The following SHISA6 variants were observed in gnomAD, a reference collection of about 807,000 sequenced individuals.
SHISA6 encodes the protein protein shisa-6.
SHISA6 carries 22 observed loss-of-function variants against 47.9 expected under a neutral mutation model. The observed-to-expected ratio is 0.46, with a 90% confidence interval of 0.33 to 0.66. SHISA6 has a LOEUF of 0.66. Among genes scored for constraint, SHISA6 ranks in the 30% least tolerant of loss-of-function variants. The pLI, the probability that SHISA6 is intolerant of heterozygous loss-of-function variation, is 0.02. For synonymous variants in SHISA6, 388 were observed against 337.8 expected (o/e 1.15, Z -1.63); for missense variants, 680 against 764.6 (o/e 0.89, Z 1.30).
At chr17:11,553,439 G>A (rs927744745) in intron 4 of SHISA6, among the ~76,000 whole-genome samples, 1 of 152,162 alleles carries the variant, frequency 6.6e-6, no homozygotes, top group African/African-American at 2.4e-5. Flanking sequence ...AATACAACAG[G>A]AGGAGCCATT....
chr17:11,393,900 G>C (rs2142257987), intron 3 of SHISA6, among the ~76,000 whole-genome samples: 1 of 152,208 alleles, frequency 6.6e-6, no homozygotes, highest in African/African-American at 2.4e-5. Flanking sequence ...CTGTTCTTCT[G>C]TCTGGAATGT....
At chr17:11,505,913 G>A (rs936434651) in intron 3 of SHISA6, among the ~76,000 whole-genome samples, 2 of 152,120 alleles carry the variant, frequency 1.3e-5, no homozygotes, top group African/African-American at 2.4e-5. Context: ...GGCAGTCCAC[G>A]ATGCGTATTG....
chr17:11,425,006 C>CAAAAAAAAAAAAAAAAAAAAAAGAAAA (rs34270452), intron 3 of SHISA6, among the ~76,000 whole-genome samples: 1 of 70,052 alleles, frequency 1.4e-5, no homozygotes, highest in Non-Finnish European at 2.7e-5. Context: ...TACTCCGTCT[C>CAAAAAAAAAAAAAAAAAAAAAAGAAAA]AAAAAAAAAA....
At chr17:11,269,871 C>T (rs927686336) in intron 2 of SHISA6, among the ~76,000 whole-genome samples, 3 of 152,150 alleles carry the variant, frequency 2.0e-5, no homozygotes, top group Admixed American at 6.5e-5. Context: ...GACACAAAAG[C>T]GAGACAATTT....
At chr17:11,477,485 T>C (rs931556548) in intron 3 of SHISA6, among the ~76,000 whole-genome samples, 1 of 152,012 alleles carries the variant, frequency 6.6e-6, no homozygotes, top group African/African-American at 2.4e-5. Context: ...TAGTTACATA[T>C]GTATACATGT....
At chr17:11,480,512 A>G (rs1916182962) in intron 3 of SHISA6, among the ~76,000 whole-genome samples, 1 of 152,172 alleles carries the variant, frequency 6.6e-6, no homozygotes, top group South Asian at 2.1e-4. Context: ...GGCTCACCCC[A>G]AAATCACAGG....
Position 11,241,349 on chromosome 17 carries a change from GT to G in SHISA6, c.-73del, listed in dbSNP as rs1907314426. 4 of 937,876 alleles carry G rather than the reference GT, an allele frequency of 4.3e-6. No homozygotes were observed. The highest frequency in any genetic ancestry group is 6.1e-5 in the Admixed American group (1 of 16,436). 58.1% of individuals were successfully genotyped at this position (937,876 alleles called of 1,614,324 possible). A position where few individuals can be genotyped will look rare whatever the true frequency, so the allele number is the denominator to read the frequency against. ...GCCTCCAGCCCGGCCCGCGCGGCGG[GT>G]CCTCCGAGCCCGGCCCGCCGGGGGA... On this transcript the variant is annotated 5_prime_UTR_variant, in exon 1 of 6. Coordinates refer to ENST00000441885, the MANE Select transcript of SHISA6 (RefSeq NM_207386.4). The surrounding 1 kb of genome is among the most constrained non-coding windows in gnomAD (Gnocchi z 5.5).
intron 2 of SHISA6, among the ~76,000 whole-genome samples, chr17:11,272,737 G>A (rs1439038102): frequency 6.6e-6 from 1 of 152,182 alleles, no homozygotes; most frequent in Non-Finnish European, 1.5e-5. Context: ...TAGCAATGAT[G>A]TGAACCCCAT....
chr17:11,268,435 C>A (rs1191093160), intron 2 of SHISA6, among the ~76,000 whole-genome samples: 1 of 152,066 alleles, frequency 6.6e-6, no homozygotes. Flanking sequence ...GCTGCAGACA[C>A]ACTAGTCTTC....
intron 2 of SHISA6, among the ~76,000 whole-genome samples, chr17:11,292,658 A>T (rs1909593519): frequency 6.6e-6 from 1 of 151,786 alleles, no homozygotes; most frequent in Non-Finnish European, 1.5e-5. Flanking sequence ...GAACAGGGTG[A>T]GTTTGAGGAA....
At chr17:11,553,928 C>T (rs2071952478) in intron 4 of SHISA6, among the ~76,000 whole-genome samples, 1 of 152,142 alleles carries the variant, frequency 6.6e-6, no homozygotes, top group Admixed American at 6.5e-5. Context: ...GAATTTCATA[C>T]AGAAGAGTAA....
chr17:11,270,097 T>A (rs1908582084), intron 2 of SHISA6, among the ~76,000 whole-genome samples: 1 of 152,092 alleles, frequency 6.6e-6, no homozygotes, highest in Admixed American at 6.6e-5. Context: ...TGCCTCAGTC[T>A]CCTGAGTAGC....
chr17:11,502,408 CAA>C (rs33980148), intron 3 of SHISA6, among the ~76,000 whole-genome samples: 3 of 34,054 alleles, frequency 8.8e-5, no homozygotes, highest in African/African-American at 2.4e-4. Context: ...GACTCCGTCT[CAA>C]AAAAAAAAAA....
At chr17:11,371,076 G>A (rs1175234271) in intron 2 of SHISA6, among the ~76,000 whole-genome samples, 1 of 152,208 alleles carries the variant, frequency 6.6e-6, no homozygotes, top group African/African-American at 2.4e-5. Context: ...CACTAGAATT[G>A]TCACATGAAA....
chr17:11,399,986 A>C (rs964928984), intron 3 of SHISA6, among the ~76,000 whole-genome samples: 2 of 152,146 alleles, frequency 1.3e-5, no homozygotes, highest in Non-Finnish European at 2.9e-5. Context: ...CTCTTGCTTG[A>C]AAGTCATTTC....
chr17:11,292,783 A>C (rs767116731), intron 2 of SHISA6, among the ~76,000 whole-genome samples: 4 of 150,962 alleles, frequency 2.6e-5, no homozygotes, highest in Non-Finnish European at 5.9e-5. Context: ...AAGCAGTGAG[A>C]AGTCACTGGA....
Position 11,314,542 on chromosome 17 carries a change from T to TG in SHISA6, c.799+51016_799+51017insG, listed in dbSNP as rs60923328. Among the ~76,000 whole-genome samples, 1,364 of 149,614 alleles carry TG rather than the reference T, an allele frequency of 9.1e-3. 22 individuals are homozygous for TG. Among genetic ancestry groups the TG allele is most frequent in the African/African-American group, 0.032 (1,294 of 40,670 alleles). On this transcript the variant is annotated intron_variant, in intron 2 of 5. Coordinates refer to ENST00000441885, the MANE Select transcript of SHISA6 (RefSeq NM_207386.4). Reference sequence around the variant, plus strand: ...TACTGTTTTTTCATTTTTTTGTTTTTTTTTTTTTTTGAGATGGAGTCCCGC... The same window carrying TG: ...TACTGTTTTTTCATTTTTTTGTTTTTGTTTTTTTTTTGAGATGGAGTCCCGC...
At chr17:11,363,832 C>G (rs1009656699) in intron 2 of SHISA6, among the ~76,000 whole-genome samples, 2 of 152,148 alleles carry the variant, frequency 1.3e-5, no homozygotes, top group African/African-American at 2.4e-5. Flanking sequence ...TGGAAGTTAC[C>G]TCCCCTTTTC....
intron 3 of SHISA6, among the ~76,000 whole-genome samples, chr17:11,522,667 T>A (rs941269393): frequency 6.6e-6 from 1 of 152,236 alleles, no homozygotes; most frequent in Non-Finnish European, 1.5e-5. Flanking sequence ...AGGTTCTCTA[T>A]GTTGCCCAGG....
Sources: allele counts gnomAD v4.1 joint callset (sites outside exome capture counted in the v4.1 genomes callset), GRCh38; gene constraint gnomAD v4.1.1; non-coding constraint Gnocchi (gnomAD v3.1); transcripts MANE v1.5; gene names NCBI Gene and HGNC (gene_info 2026-07-23, HGNC 2026-07-21).